The following CWF19L2 variants were observed in gnomAD, a reference collection of about 807,000 sequenced individuals.
CWF19L2 encodes the protein CWF19-like protein 2.
CWF19L2 carries 98 observed loss-of-function variants against 111.7 expected under a neutral mutation model. The ratio of observed to expected loss-of-function variants is 0.88; its 90% CI spans 0.75 to 1.04. CWF19L2 has a LOEUF of 1.04. Among genes scored for constraint, CWF19L2 ranks in the 50% least tolerant of loss-of-function variants. The pLI, the probability that CWF19L2 is intolerant of heterozygous loss-of-function variation, is 0.00. For missense variants in CWF19L2, 1,101 were observed against 1,051.4 expected, an observed-to-expected ratio of 1.05 and a Z score of -0.65; for synonymous variants, 351 against 342.9, an observed-to-expected ratio of 1.02 and a Z score of -0.26.
Position 107,454,552 on chromosome 11 carries a change from CT to C in CWF19L2, c.236del (p.Lys79ArgfsTer58). ...QFSQEHSVKK[K>X]KKKDKHSKKA... ...TTTTTGAATGCTTGTCTTTTTTCTT[CT>C]TTTTCTTCACAGAGTGTTCCTACAA... is the stretch of plus-strand genomic sequence containing the variant. On this transcript the variant is annotated frameshift_variant, in exon 3 of 18. Transcript: ENST00000282251. LOFTEE classifies it high-confidence loss of function. The C allele has an allele frequency of 7.1e-7, 1 of 1,399,112 alleles. No individual in the cohort carries two copies. 86.7% of individuals were successfully genotyped at this position (1,399,112 alleles called of 1,614,324 possible). A position where few individuals can be genotyped will look rare whatever the true frequency, so the allele number is the denominator to read the frequency against.
intron 14 of CWF19L2, among the ~76,000 whole-genome samples, chr11:107,343,942 C>A (rs78204690): frequency 6.6e-6 from 1 of 152,012 alleles, no homozygotes; most frequent in African/African-American, 2.4e-5. Flanking sequence ...ACACCAGGTG[C>A]GGTGGCTCAC....
Position 107,429,456 on chromosome 11 carries a change from A to G in CWF19L2, c.781-5T>C, listed in dbSNP as rs1417627650. On this transcript the variant is annotated splice_region_variant and splice_polypyrimidine_tract_variant and intron_variant, in intron 7 of 17. Transcript: ENST00000282251. ...TGACTGAAATATTTCCATTGACTAC[A>G]AAGGAGAAAAATTAAACAAGATATC... 1 of 1,526,642 alleles carries G rather than the reference A, an allele frequency of 6.6e-7. No individual in the cohort carries two copies. Among genetic ancestry groups the G allele is most frequent in the African/African-American group, 1.4e-5 (1 of 71,666 alleles). 94.6% of individuals were successfully genotyped at this position (1,526,642 alleles called of 1,614,324 possible).
At chr11:107,328,110 G>A (rs1286004058) in intron 17 of CWF19L2, among the ~76,000 whole-genome samples, 2 of 138,588 alleles carry the variant, frequency 1.4e-5, no homozygotes, top group Non-Finnish European at 3.0e-5. Context: ...TAGAAGGTAA[G>A]TGTCAAAGCA....
chr11:107,333,645 C>T (rs1275540234), intron 16 of CWF19L2, among the ~76,000 whole-genome samples: 2 of 152,018 alleles, frequency 1.3e-5, no homozygotes, highest in African/African-American at 4.8e-5. Context: ...TGTTGTCTGG[C>T]CCAATTCACC....
At chr11:107,363,291 G>A (rs960914825) in intron 12 of CWF19L2, among the ~76,000 whole-genome samples, 1 of 152,078 alleles carries the variant, frequency 6.6e-6, no homozygotes, top group Non-Finnish European at 1.5e-5. Flanking sequence ...TAGCAAGGCA[G>A]GCCAACGTTC....
intron 12 of CWF19L2, among the ~76,000 whole-genome samples, chr11:107,387,607 C>T (rs1290728446): frequency 6.6e-6 from 1 of 152,042 alleles, no homozygotes; most frequent in African/African-American, 2.4e-5. Context: ...AATTTTTCCA[C>T]AGACAGGGTG....
chr11:107,355,055 T>C (rs1368537862), intron 12 of CWF19L2, among the ~76,000 whole-genome samples: 1 of 151,810 alleles, frequency 6.6e-6, no homozygotes. Flanking sequence ...AAGTGTAATA[T>C]AAGTACTAAA....
At chr11:107,395,067 C>T (rs1397588032) in intron 10 of CWF19L2, among the ~76,000 whole-genome samples, 2 of 152,158 alleles carry the variant, frequency 1.3e-5, no homozygotes, top group Admixed American at 6.5e-5. Context: ...GCCTCCATGT[C>T]CCCACCCAAA....
chr11:107,351,784 T>G (rs1860159448), intron 13 of CWF19L2, among the ~76,000 whole-genome samples: 1 of 152,160 alleles, frequency 6.6e-6, no homozygotes, highest in Admixed American at 6.5e-5. Flanking sequence ...ATGATGATGG[T>G]CAGTTCCAAG....
intron 16 of CWF19L2, 45 bp downstream of exon 16, chr11:107,334,836 C>T (rs1859898494): frequency 8.5e-7 from 1 of 1,180,578 alleles, no homozygotes; most frequent in South Asian, 1.3e-5. Flanking sequence ...AATAAAGATC[C>T]TGAGCACTAG....
chr11:107,330,453 T>G (rs1859829128), intron 16 of CWF19L2, among the ~76,000 whole-genome samples: 1 of 152,140 alleles, frequency 6.6e-6, no homozygotes, highest in African/African-American at 2.4e-5. Context: ...CAGTTATATA[T>G]TTATCAAAGA....
intron 3 of CWF19L2, among the ~76,000 whole-genome samples, chr11:107,451,064 T>C (rs755839892): frequency 1.3e-5 from 2 of 152,060 alleles, no homozygotes; most frequent in Non-Finnish European, 2.9e-5. Context: ...CAAATACATA[T>C]GGAATTTTCA....
At chr11:107,331,394 G>A (rs1859847915) in intron 16 of CWF19L2, among the ~76,000 whole-genome samples, 1 of 152,160 alleles carries the variant, frequency 6.6e-6, no homozygotes, top group South Asian at 2.1e-4. Context: ...ATTTTCCTGG[G>A]TTATCCAGAT....
intron 12 of CWF19L2, among the ~76,000 whole-genome samples, chr11:107,367,387 T>C (rs1215587429): frequency 1.6e-5 from 2 of 128,068 alleles, no homozygotes; most frequent in Admixed American, 7.7e-5. Context: ...CGTATGTTTA[T>C]TGAGGCATTA....
At chr11:107,435,274 T>C (rs1172315742) in intron 6 of CWF19L2, among the ~76,000 whole-genome samples, 2 of 152,332 alleles carry the variant, frequency 1.3e-5, no homozygotes, top group Middle Eastern at 3.4e-3. Flanking sequence ...TTGTTGTTAT[T>C]TATATAGTTC....
intron 8 of CWF19L2, among the ~76,000 whole-genome samples, chr11:107,420,074 T>A (rs1426501574): frequency 1.3e-5 from 2 of 151,304 alleles, no homozygotes; most frequent in African/African-American, 2.4e-5. Context: ...TGAAATGGAA[T>A]CATAAAAATA....
At chr11:107,355,988 C>A (rs1288537807) in intron 12 of CWF19L2, among the ~76,000 whole-genome samples, 1 of 152,136 alleles carries the variant, frequency 6.6e-6, no homozygotes, top group East Asian at 1.9e-4. Flanking sequence ...GGTCATAGCA[C>A]AAGTCTCAAT....
At chr11:107,417,093 G>A (rs1398355730) in intron 9 of CWF19L2, among the ~76,000 whole-genome samples, 1 of 152,164 alleles carries the variant, frequency 6.6e-6, no homozygotes, top group East Asian at 1.9e-4. Flanking sequence ...GAAATATCTT[G>A]TTTGGTTACC....
intron 17 of CWF19L2, among the ~76,000 whole-genome samples, chr11:107,328,121 G>C (rs960048178): frequency 1.1e-4 from 14 of 129,390 alleles, no homozygotes; most frequent in African/African-American, 4.3e-4. Flanking sequence ...TGTCAAAGCA[G>C]ACCATTTGTG....
Sources: gnomAD v4.1 joint callset for allele counts (sites outside exome capture counted in the v4.1 genomes callset) on GRCh38, gnomAD v4.1.1 for gene constraint, MANE v1.5 for transcripts, NCBI Gene and HGNC (gene_info 2026-07-23, HGNC 2026-07-21) for gene names.